The following SYN3 variants were observed in gnomAD, a reference collection of about 807,000 sequenced individuals.
The protein encoded by SYN3 is synapsin III.
Under a neutral mutation model 65.8 loss-of-function variants are expected in SYN3, and 35 were observed. That is an observed-to-expected ratio of 0.53 (90% CI 0.41 to 0.70). The LOEUF (loss-of-function observed/expected upper bound fraction) is 0.70. Among genes scored for constraint, SYN3 ranks in the 30% least tolerant of loss-of-function variants. The probability of loss-of-function intolerance (pLI) is 0.00; values close to 1 mark genes in which losing one functional copy is unlikely to be tolerated. For missense variants in SYN3, 680 were observed against 749.0 expected, an observed-to-expected ratio of 0.91 and a Z score of 1.08; for synonymous variants, 270 against 292.9, an observed-to-expected ratio of 0.92 and a Z score of 0.80.
At chr22:32,759,623 C>G (rs2045394581) in intron 6 of SYN3, among the ~76,000 whole-genome samples, 1 of 151,752 alleles carries the variant, frequency 6.6e-6, no homozygotes, top group Middle Eastern at 3.4e-3. Flanking sequence ...TGCCTGATTC[C>G]TACATTCCTA....
intron 6 of SYN3, among the ~76,000 whole-genome samples, chr22:32,642,288 TA>T (rs957682950): frequency 1.3e-5 from 2 of 151,188 alleles, no homozygotes; most frequent in African/African-American, 4.9e-5. Context: ...GGACTCCATT[TA>T]AAAAAAATAA....
chr22:32,817,171 T>C (rs1174261129), intron 6 of SYN3, among the ~76,000 whole-genome samples: 1 of 152,000 alleles, frequency 6.6e-6, no homozygotes, highest in Non-Finnish European at 1.5e-5. Flanking sequence ...TGAGCCATGA[T>C]TGTACCACTG....
At chr22:32,679,536 T>A (rs1021006506) in intron 6 of SYN3, among the ~76,000 whole-genome samples, 5 of 152,164 alleles carry the variant, frequency 3.3e-5, no homozygotes, top group African/African-American at 1.2e-4. Context: ...CTACTTTTAT[T>A]TTTTTAAGGA....
chr22:32,774,328 A>G (rs2045853205), intron 6 of SYN3, among the ~76,000 whole-genome samples: 1 of 152,124 alleles, frequency 6.6e-6, no homozygotes, highest in South Asian at 2.1e-4. Context: ...TCCTCATAAG[A>G]AGAGGAAATT....
At chr22:32,816,661 C>CAAG (rs2047094757) in intron 6 of SYN3, among the ~76,000 whole-genome samples, 1 of 152,182 alleles carries the variant, frequency 6.6e-6, no homozygotes, top group Non-Finnish European at 1.5e-5. Flanking sequence ...GCCCTATCAT[C>CAAG]AAGACTTCAG....
intron 7 of SYN3, among the ~76,000 whole-genome samples, chr22:32,552,133 C>T (rs765740323): frequency 1.3e-5 from 2 of 152,198 alleles, no homozygotes; most frequent in African/African-American, 4.8e-5. Context: ...GTAATCCCAG[C>T]TACTTGGGAG....
At chr22:32,738,023 T>C (rs1412727841) in intron 6 of SYN3, among the ~76,000 whole-genome samples, 1 of 152,190 alleles carries the variant, frequency 6.6e-6, no homozygotes, top group East Asian at 1.9e-4. Context: ...CCAGGGTTTT[T>C]CTGTTGTAGC....
At chr22:32,712,169 G>A (rs1312353989) in intron 6 of SYN3, among the ~76,000 whole-genome samples, 1 of 152,132 alleles carries the variant, frequency 6.6e-6, no homozygotes, top group Admixed American at 6.5e-5. Flanking sequence ...TGCCACTTGT[G>A]CTCTTTAGTT....
intron 3 of SYN3, among the ~76,000 whole-genome samples, chr22:32,963,547 G>C (rs1396171811): frequency 1.3e-5 from 2 of 152,112 alleles, no homozygotes; most frequent in Non-Finnish European, 2.9e-5. Flanking sequence ...CAAATGGTCA[G>C]ATGCATAGAT....
At chr22:32,922,623 T>A (rs1030749363) in intron 4 of SYN3, among the ~76,000 whole-genome samples, 3 of 152,090 alleles carry the variant, frequency 2.0e-5, no homozygotes, top group Non-Finnish European at 2.9e-5. Context: ...TACCTTGGCT[T>A]CATTCTTGGC....
At chr22:32,812,908 G>C (rs983673151) in intron 6 of SYN3, among the ~76,000 whole-genome samples, 1 of 152,246 alleles carries the variant, frequency 6.6e-6, no homozygotes, top group Non-Finnish European at 1.5e-5. Flanking sequence ...CAAGGACTGA[G>C]AGATCCAAGA....
At chr22:32,840,950 C>G (rs769407504) in intron 6 of SYN3, among the ~76,000 whole-genome samples, 1 of 152,336 alleles carries the variant, frequency 6.6e-6, no homozygotes, top group East Asian at 1.9e-4. Flanking sequence ...AATACTGAAA[C>G]ACCTTCCTGG....
At chr22:32,606,768 C>CT (rs1199642820) in intron 6 of SYN3, among the ~76,000 whole-genome samples, 1 of 151,752 alleles carries the variant, frequency 6.6e-6, no homozygotes, top group Non-Finnish European at 1.5e-5. Context: ...CGAAGTCCCT[C>CT]TCTGCTCCTC....
chr22:32,633,968 T>TG (rs1201068988), intron 6 of SYN3, among the ~76,000 whole-genome samples: 2 of 151,924 alleles, frequency 1.3e-5, no homozygotes, highest in Non-Finnish European at 2.9e-5. Context: ...GGCAAAGACT[T>TG]GGTTTTAGAA....
Position 32,712,132 on chromosome 22 carries a change from G to A in SYN3, c.712-115396C>T, listed in dbSNP as rs147131078. Among the ~76,000 whole-genome samples the A allele has an allele frequency of 6.3e-3, 955 of 152,230 alleles. 4 individuals carry two copies. The highest frequency in any genetic ancestry group is 7.2e-3 in the Non-Finnish European group (492 of 68,016). On this transcript the variant is annotated intron_variant, in intron 6 of 13. Coordinates refer to ENST00000358763, the MANE Select transcript of SYN3 (RefSeq NM_003490.4). ...AATTTCACCTTGACTCCTCAATTGA[G>A]GCTGCCTTTGTCCTTGGTCTTTCCC...
intron 4 of SYN3, among the ~76,000 whole-genome samples, chr22:32,908,385 CTTT>C (rs10719402): frequency 0.079 from 9,181 of 116,564 alleles, 364 homozygotes; most frequent in Middle Eastern, 0.16. Context: ...CACGCCTAGC[CTTT>C]TTTTTTTTTT....
chr22:32,670,917 C>G (rs1046663295), intron 6 of SYN3, among the ~76,000 whole-genome samples: 14 of 152,224 alleles, frequency 9.2e-5, no homozygotes, highest in African/African-American at 1.4e-4. Context: ...GCGCTGACAG[C>G]ACACCCCTAG....
chr22:32,897,544 T>C (rs932411440), intron 4 of SYN3, among the ~76,000 whole-genome samples: 7 of 152,194 alleles, frequency 4.6e-5, no homozygotes, highest in Non-Finnish European at 1.0e-4. Context: ...GAGTCAGACC[T>C]GGATTCAGAG....
intron 12 of SYN3, 128 bp from the exon 13 acceptor site, chr22:32,518,462 C>T (rs1476603414): frequency 1.1e-5 from 12 of 1,085,966 alleles, no homozygotes; most frequent in Admixed American, 5.9e-5. Context: ...AACTGAAAAC[C>T]GTATAAATAC....
Sources: gnomAD v4.1 joint callset for allele counts (sites outside exome capture counted in the v4.1 genomes callset) on GRCh38, gnomAD v4.1.1 for gene constraint, MANE v1.5 for transcripts, NCBI Gene and HGNC (gene_info 2026-07-23, HGNC 2026-07-21) for gene names.